Variants in TIMM21 observed in about 807,000 individuals in gnomAD.
TIMM21 encodes the protein mitochondrial import inner membrane translocase subunit Tim21.
A neutral mutation model predicts 27.7 loss-of-function variants in TIMM21; 30 were observed. The observed-to-expected ratio is 1.08, with a 90% confidence interval of 0.81 to 1.47. The LOEUF is 1.47. Ranked by LOEUF, TIMM21 falls within the 40% of genes most tolerant of loss-of-function variation. The probability of loss-of-function intolerance (pLI) is 0.00; values close to 1 mark genes in which losing one functional copy is unlikely to be tolerated. For synonymous variants in TIMM21, 121 were observed against 114.4 expected, an observed-to-expected ratio of 1.06 and a Z score of -0.37; for missense variants, 292 against 302.9, an observed-to-expected ratio of 0.96 and a Z score of 0.27.
In TIMM21 at chr18:74,149,021, C is replaced by A; in HGVS notation, c.213C>A (p.Ser71Arg). ...TQKTIWTQGP[S>R]PRKAKEDGSK... ...AAACCATCTGGACGCAGGGACCGAGCCCCCGAAAAGCAAAGGAGGATGGCA... is the reference window on the plus strand; with the variant it reads ...AAACCATCTGGACGCAGGGACCGAGACCCCGAAAAGCAAAGGAGGATGGCA... The change falls in exon 1 of 6, where the codon AGC becomes AGA. Residue 71 changes from serine to arginine, a missense_variant. Ser to Arg is a moderately radical substitution (Grantham distance 110). Coordinates refer to ENST00000169551, the MANE Select transcript of TIMM21 (RefSeq NM_014177.3). The A allele has an allele frequency of 6.2e-7, 1 of 1,614,082 alleles. No homozygotes were observed. The highest frequency in any genetic ancestry group is 8.5e-7 in the Non-Finnish European group (1 of 1,180,020).
rs1259902514 is a variant in TIMM21, at chr18:74,148,921, AG to A, written c.114del (p.Glu38AspfsTer4). On this transcript the variant is annotated frameshift_variant, in exon 1 of 6. Transcript: ENST00000169551. LOFTEE classifies it high-confidence loss of function. Reference protein sequence around the residue: ...IVLNKACLKTEPSLRCGLQYQ... With the variant: ...IVLNKACLKTXPSLRCGLQYQ... ...CTTAACAAAGCGTGCTTGAAGACTG[AG>A]CCCAGTTTGAGATGTGGGCTTCAAT... 8.7e-6 allele frequency: 14 copies of A among 1,614,198 alleles called. No individual in the cohort carries two copies. Among genetic ancestry groups the A allele is most frequent in the Non-Finnish European group, 1.2e-5 (14 of 1,180,034 alleles).
At chr18:74,150,979 T>C (rs986948060) in intron 1 of TIMM21, among the ~76,000 whole-genome samples, 2 of 152,240 alleles carry the variant, frequency 1.3e-5, no homozygotes, top group Admixed American at 6.5e-5. Flanking sequence ...GTGGGAGTTA[T>C]TGTTGCCAGT....
At position 74,155,180 on chromosome 18, in the gene TIMM21, G is replaced by A; in HGVS notation, c.337G>A (p.Val113Met). ...EAGRDFTYLI[V>M]VLFGISITGG... ...CGGAAGAGATTTTACCTATTTAATA[G>A]TGGTGCTTTTTGGAATCAGCATTAC... is the stretch of plus-strand genomic sequence containing the variant. The change falls in exon 2 of 6, where the codon GTG becomes ATG. Residue 113 changes from valine (V) to methionine (M), a missense_variant. Transcript: ENST00000169551. 1 of 1,614,228 alleles carries A rather than the reference G, an allele frequency of 6.2e-7. No homozygotes were observed. The highest frequency in any genetic ancestry group is 8.5e-7 in the Non-Finnish European group (1 of 1,180,046).
chr18:74,153,113 T>C (rs1299466268), intron 1 of TIMM21, among the ~76,000 whole-genome samples: 1 of 152,150 alleles, frequency 6.6e-6, no homozygotes, highest in African/African-American at 2.4e-5. Context: ...GGGTAGAGAA[T>C]TGTGGAAGCA....
Position 74,159,648 on chromosome 18 carries a change from A to G in TIMM21, c.*1168A>G, listed in dbSNP as rs964627385. On this transcript the variant is annotated 3_prime_UTR_variant, in exon 6 of 6. Transcript: ENST00000169551. Reference sequence around the variant, plus strand: ...GATGTTTTTAATTATAAAAATTTCCAACATTTAAGGAGTATAGAAAATATA... The same window carrying G: ...GATGTTTTTAATTATAAAAATTTCCGACATTTAAGGAGTATAGAAAATATA... 6.6e-6 allele frequency: 1 copy of G among 152,188 alleles called. No homozygotes were observed. Among genetic ancestry groups the G allele is most frequent in the Non-Finnish European group, 1.5e-5 (1 of 68,044 alleles). The allele number at this position is 152,188 out of a possible 1,614,324, so 9.4% of individuals were successfully genotyped here. A position where few individuals can be genotyped will look rare whatever the true frequency, so the allele number is the denominator to read the frequency against.
rs372170472 is a variant in TIMM21, at chr18:74,158,004, T to C, written c.463-10T>C. The C allele has an allele frequency of 1.7e-5, 27 of 1,614,012 alleles. No individual in the cohort carries two copies. The highest frequency in any genetic ancestry group is 2.1e-5 in the Non-Finnish European group (25 of 1,179,884). On this transcript the variant is annotated splice_polypyrimidine_tract_variant and intron_variant, in intron 3 of 5. Transcript: ENST00000169551. The stretch of plus-strand genomic sequence containing the variant: ...ATAACACAAAATAAAGCACTGTCCT[T>C]GTTCTGCAGGTGATCGGTGTCTTTG...
chr18:74,149,939 G>A (rs1353530691), intron 1 of TIMM21, among the ~76,000 whole-genome samples: 2 of 152,216 alleles, frequency 1.3e-5, no homozygotes, highest in African/African-American at 2.4e-5. Context: ...GACAGTCCTT[G>A]TGGCTGAGTG....
intron 1 of TIMM21, among the ~76,000 whole-genome samples, chr18:74,149,467 C>T (rs978730583): frequency 6.6e-6 from 1 of 151,230 alleles, no homozygotes; most frequent in African/African-American, 2.4e-5. Flanking sequence ...ATGTTACCTG[C>T]AGTAATAGAA....
chr18:74,156,981 T>C (rs557115254), intron 3 of TIMM21: 1 of 152,352 alleles, frequency 6.6e-6, no homozygotes, highest in Admixed American at 6.5e-5. Flanking sequence ...TTCTGCAATA[T>C]CATCTTACAT....
rs527723671 is a variant in TIMM21 at position 74,158,951 on chromosome 18, T to G, written c.*471T>G. On this transcript the variant is annotated 3_prime_UTR_variant, in exon 6 of 6. Transcript: ENST00000169551. Reference sequence around the variant, plus strand: ...ATAGGGAACCAGATGGTAAATACATTCTTCAAAATTGTGTGAGTTTTAGGA... The same window carrying G: ...ATAGGGAACCAGATGGTAAATACATGCTTCAAAATTGTGTGAGTTTTAGGA... 7.3e-5 allele frequency: 12 copies of G among 164,508 alleles called. No individual in the cohort carries two copies. The highest frequency in any genetic ancestry group is 2.9e-4 in the African/African-American group (12 of 41,602). 10.2% of individuals were successfully genotyped at this position (164,508 alleles called of 1,614,324 possible).
In TIMM21 at chr18:74,158,291, G is replaced by A. The variant is rs762586254; in HGVS notation, c.642+15G>A. The A allele has an allele frequency of 3.7e-6, 6 of 1,613,872 alleles. No homozygotes were observed. The South Asian group carries it at 5.5e-5, about 15-fold the overall frequency. The stretch of plus-strand genomic sequence containing the variant: ...AAGTGAAAGAGGTGTGGGAATCATG[G>A]GATGTGGGGTCAGAGGTTCTGAGCG... On this transcript the variant is annotated intron_variant, in intron 5 of 5. Transcript: ENST00000169551.
intron 1 of TIMM21, among the ~76,000 whole-genome samples, chr18:74,150,540 C>A (rs1192714238): frequency 6.6e-6 from 1 of 152,214 alleles, no homozygotes; most frequent in Non-Finnish European, 1.5e-5. Context: ...AAATCCTGGG[C>A]AGGATCATAA....
intron 1 of TIMM21, among the ~76,000 whole-genome samples, chr18:74,154,371 C>T (rs1268818609): frequency 6.6e-6 from 1 of 151,994 alleles, no homozygotes; most frequent in Non-Finnish European, 1.5e-5. Context: ...ACGCCATTCT[C>T]CTGCCTCAGC....
chr18:74,155,099 T>C (rs763928775), intron 1 of TIMM21, 46 bp from the exon 2 acceptor site: 88 of 1,592,944 alleles, frequency 5.5e-5, no homozygotes, highest in Non-Finnish European at 7.3e-5. Flanking sequence ...CAAGCTTGCC[T>C]GCTCCCAGCC....
Position 74,148,813 on chromosome 18 carries a change from T to C in TIMM21, c.5T>C (p.Ile2Thr). 3 of 1,602,370 alleles carry C rather than the reference T, an allele frequency of 1.9e-6. No homozygotes were observed. The highest frequency in any genetic ancestry group is 2.6e-6 in the Non-Finnish European group (3 of 1,170,212). The change falls in exon 1 of 6, where the codon ATT becomes ACT. Residue 2 changes from isoleucine (I) to threonine (T), a missense_variant. Coordinates refer to ENST00000169551, the MANE Select transcript of TIMM21 (RefSeq NM_014177.3). ...GCGGAACGATTTTCCGTGAACATGA[T>C]TTGTACTTTTCTACGAGCCGTACAG... M[I>T]CTFLRAVQYT...
rs1259741051 is a variant in TIMM21, at chr18:74,152,261, C to T, written c.302-2884C>T. Among the ~76,000 whole-genome samples, 1 of 152,146 alleles carries T rather than the reference C, an allele frequency of 6.6e-6. No individual in the cohort carries two copies. Among genetic ancestry groups the T allele is most frequent in the Non-Finnish European group, 1.5e-5 (1 of 68,020 alleles). On this transcript the variant is annotated intron_variant, in intron 1 of 5. Coordinates refer to ENST00000169551, the MANE Select transcript of TIMM21 (RefSeq NM_014177.3). This position sits in a 1 kb window ranked among gnomAD's most constrained non-coding sequence, Gnocchi z 4.1. ...TTTCCTCCCAAATCAGGACCCTGAC[C>T]TTGGTGTGGGAGGTCTCATGGGCTT...
intron 1 of TIMM21, among the ~76,000 whole-genome samples, chr18:74,154,114 C>T (rs891530115): frequency 2.6e-5 from 4 of 152,130 alleles, no homozygotes; most frequent in Admixed American, 1.3e-4. Context: ...ATACGCTAAG[C>T]AAGGCAGGAA....
intron 1 of TIMM21, among the ~76,000 whole-genome samples, chr18:74,154,326 A>C (rs1011313484): frequency 1.3e-5 from 2 of 150,966 alleles, no homozygotes; most frequent in Non-Finnish European, 2.9e-5. Context: ...CAGTGGCGCT[A>C]TCTTGGCTCA....
Position 74,148,538 on chromosome 18 carries a change from G to A in TIMM21, c.-271G>A. Reference sequence around the variant, plus strand: ...GGGGTTTCCCAGGTGACTTTGCGAAGGCATGGCGGGGACACTGTGAATGTC... The same window carrying A: ...GGGGTTTCCCAGGTGACTTTGCGAAAGCATGGCGGGGACACTGTGAATGTC... On this transcript the variant is annotated 5_prime_UTR_variant, in exon 1 of 6. Coordinates refer to ENST00000169551, the MANE Select transcript of TIMM21 (RefSeq NM_014177.3). The A allele has an allele frequency of 3.1e-6, 1 of 318,410 alleles. No homozygotes were observed. Among genetic ancestry groups the A allele is most frequent in the Non-Finnish European group, 5.8e-6 (1 of 171,552 alleles). 19.7% of individuals were successfully genotyped at this position (318,410 alleles called of 1,614,324 possible).
Sources: allele counts gnomAD v4.1 joint callset (sites outside exome capture counted in the v4.1 genomes callset), GRCh38; gene constraint gnomAD v4.1.1; non-coding constraint Gnocchi (gnomAD v3.1); transcripts MANE v1.5; gene names NCBI Gene and HGNC (gene_info 2026-07-23, HGNC 2026-07-21).